Variants in KCTD15 observed in about 807,000 individuals in gnomAD.
KCTD15 encodes the protein potassium channel tetramerization domain containing 15, also known as BTB/POZ domain-containing protein KCTD15.
Under a neutral mutation model 27.2 loss-of-function variants are expected in KCTD15, and 11 were observed. The observed-to-expected ratio is 0.41, with a 90% CI of 0.25 to 0.67. The LOEUF is 0.67. Ranked by LOEUF, KCTD15 falls within the 30% of genes least tolerant of loss-of-function variation. The probability of loss-of-function intolerance (pLI) is 0.35; values close to 1 mark genes in which losing one functional copy is unlikely to be tolerated. For missense variants in KCTD15, 350 were observed against 409.3 expected, an observed-to-expected ratio of 0.86 and a Z score of 1.25; for synonymous variants, 163 against 176.0, an observed-to-expected ratio of 0.93 and a Z score of 0.58.
intron 2 of KCTD15, among the ~76,000 whole-genome samples, chr19:33,799,197 T>C (rs906593664): frequency 5.3e-5 from 8 of 152,184 alleles, no homozygotes; most frequent in African/African-American, 1.9e-4. Flanking sequence ...CCCAGTTTTA[T>C]GTCAGGAAAC....
intron 5 of KCTD15, among the ~76,000 whole-genome samples, chr19:33,810,675 C>CA (rs72186145): frequency 0.086 from 10,339 of 120,428 alleles, 684 homozygotes; most frequent in African/African-American, 0.24. Context: ...AAAACAAAAA[C>CA]AAAAAAAAAA....
chr19:33,811,656 G>A, intron 6 of KCTD15, 104 bp downstream of exon 6: 1 of 1,501,786 alleles, frequency 6.7e-7, no homozygotes, highest in South Asian at 1.3e-5. Context: ...AAACGGTGAA[G>A]CCCCCCGTGC....
rs746084176 is a variant in KCTD15, at chr19:33,812,958, C to T, written c.*10C>T. On this transcript the variant is annotated 3_prime_UTR_variant, in exon 7 of 7. Transcript: ENST00000683859. ...GGAACCCCTGGACTAGGCCCTGCTT[C>T]AGTGCCCACCTGGGCCCCCCCAGGG... 2.6e-6 allele frequency: 4 copies of T among 1,537,962 alleles called. No homozygotes were observed. Among genetic ancestry groups the T allele is most frequent in the Non-Finnish European group, 3.5e-6 (4 of 1,142,782 alleles).
intron 4 of KCTD15, among the ~76,000 whole-genome samples, chr19:33,805,495 CAG>C (rs1435349938): frequency 6.6e-6 from 1 of 152,180 alleles, no homozygotes; most frequent in African/African-American, 2.4e-5. Flanking sequence ...GCTGTTAGAA[CAG>C]GGGGCATCCC....
rs536138140 is a variant in KCTD15 at position 33,800,267 on chromosome 19, CAGAT to C, written c.-27-157_-27-154del. Among the ~76,000 whole-genome samples, 165 of 152,162 alleles carry C rather than the reference CAGAT, an allele frequency of 1.1e-3. 6 individuals are homozygous for C. The South Asian group carries it at 0.03, about 27-fold the overall frequency. ...GGAGGCCTGCTTTGGGGTGTGGAGA[CAGAT>C]AGAGAGATAGTGGCGGTGGAGTCAA... On this transcript the variant is annotated intron_variant, in intron 2 of 6. Transcript: ENST00000683859.
At chr19:33,795,175 CTAACTGCAGGGATG>C (rs1384650514), upstream of KCTD15, among the ~76,000 whole-genome samples, 1 of 152,250 alleles carries the variant, frequency 6.6e-6, no homozygotes, top group Non-Finnish European at 1.5e-5. Flanking sequence ...AATAATTGAA[CTAACTGCAGGGATG>C]TAACTTTAAT....
intron 3 of KCTD15, 23 bp downstream of exon 3, chr19:33,800,543 G>A (rs1226698318): frequency 3.2e-6 from 5 of 1,567,418 alleles, no homozygotes; most frequent in Non-Finnish European, 4.3e-6. Flanking sequence ...GGTGGGCTGG[G>A]TCCCTGCCGG....
rs1424363370 is a variant in KCTD15, at chr19:33,813,112, G to A, written c.*164G>A. ...GTCCCAGGTGTCATGGCAACAGAAC[G>A]TGGGATGCTGGAGGCATGCCTGCAG... On this transcript the variant is annotated 3_prime_UTR_variant, in exon 7 of 7. Transcript: ENST00000683859. 7.2e-6 allele frequency: 5 copies of A among 699,188 alleles called. No homozygotes were observed. The highest frequency in any genetic ancestry group is 3.5e-5 in the African/African-American group (2 of 56,580). The allele number at this position is 699,188 out of a possible 1,614,324, so 43.3% of individuals were successfully genotyped here. A position where few individuals can be genotyped will look rare whatever the true frequency, so the allele number is the denominator to read the frequency against.
intron 6 of KCTD15, chr19:33,812,101 G>C: frequency 1.5e-6 from 2 of 1,316,230 alleles, no homozygotes; most frequent in South Asian, 4.2e-5. Context: ...TCCGGGTTAG[G>C]GTGGAATGGG....
chr19:33,813,339 G>C lies in KCTD15; in HGVS notation c.*391G>C, dbSNP rs781146517. 1 of 475,054 alleles carries C rather than the reference G, an allele frequency of 2.1e-6. No homozygotes were observed. Among genetic ancestry groups the C allele is most frequent in the Admixed American group, 2.5e-5 (1 of 40,794 alleles). 29.4% of individuals were successfully genotyped at this position (475,054 alleles called of 1,614,324 possible). A position where few individuals can be genotyped will look rare whatever the true frequency, so the allele number is the denominator to read the frequency against. ...GGCAGACTCTGGCGGGTCTCCTAGCGTCCGAGAGATGGCTTATTTTCTACA... is the reference window on the plus strand; with the variant it reads ...GGCAGACTCTGGCGGGTCTCCTAGCCTCCGAGAGATGGCTTATTTTCTACA... On this transcript the variant is annotated 3_prime_UTR_variant, in exon 7 of 7. Coordinates refer to ENST00000683859, the MANE Select transcript of KCTD15 (RefSeq NM_001129994.2).
rs185967303 is a variant in KCTD15 at position 33,807,025 on chromosome 19, G to A, written c.387+18G>A. 2.9e-4 allele frequency: 475 copies of A among 1,612,268 alleles called. 1 individual carries two copies. The African/African-American group carries it at 5.5e-3, about 19-fold the overall frequency. ...ACTTTAAGGTAAGTCCATGGCTGGTGGCCCCCCTGCACTGCCTGTGTGATG... is the reference window on the plus strand; with the variant it reads ...ACTTTAAGGTAAGTCCATGGCTGGTAGCCCCCCTGCACTGCCTGTGTGATG... On this transcript the variant is annotated intron_variant, in intron 5 of 6. Coordinates refer to ENST00000683859, the MANE Select transcript of KCTD15 (RefSeq NM_001129994.2).
intron 6 of KCTD15, chr19:33,812,000 C>T: frequency 6.8e-7 from 1 of 1,465,160 alleles, no homozygotes. Context: ...TGGACCGGCT[C>T]TTCCTGGATG....
chr19:33,802,384 G>A (rs1053568525), intron 4 of KCTD15, among the ~76,000 whole-genome samples: 4 of 152,194 alleles, frequency 2.6e-5, no homozygotes, highest in Non-Finnish European at 5.9e-5. Flanking sequence ...CATTGTCACC[G>A]GTGTGGTTCC....
In KCTD15 at chr19:33,814,486, C is replaced by T. The variant is rs1364943265; in HGVS notation, c.*1538C>T. On this transcript the variant is annotated 3_prime_UTR_variant, in exon 7 of 7. Coordinates refer to ENST00000683859, the MANE Select transcript of KCTD15 (RefSeq NM_001129994.2). ...TGAATTCTGATTCACAGTCCCTAGC[C>T]AGATGGGAACTGGGAAAGAGACAGA... 2 of 152,178 alleles carry T rather than the reference C, an allele frequency of 1.3e-5. No homozygotes were observed. The highest frequency in any genetic ancestry group is 1.3e-4 in the Admixed American group (2 of 15,272). The allele number at this position is 152,178 out of a possible 1,614,324, so 9.4% of individuals were successfully genotyped here.
intron 4 of KCTD15, among the ~76,000 whole-genome samples, chr19:33,803,262 G>A (rs1015719683): frequency 6.6e-6 from 1 of 152,246 alleles, no homozygotes; most frequent in Non-Finnish European, 1.5e-5. Flanking sequence ...AGGCCAGGGG[G>A]CCTGAGAAGT....
chr19:33,813,679 A>G lies in KCTD15; in HGVS notation c.*731A>G. 3.5e-6 allele frequency: 1 copy of G among 289,756 alleles called. No homozygotes were observed. Among genetic ancestry groups the G allele is most frequent in the Non-Finnish European group, 6.8e-6 (1 of 147,134 alleles). The allele number at this position is 289,756 out of a possible 1,614,324, so 17.9% of individuals were successfully genotyped here. A position where few individuals can be genotyped will look rare whatever the true frequency, so the allele number is the denominator to read the frequency against. On this transcript the variant is annotated 3_prime_UTR_variant, in exon 7 of 7. Coordinates refer to ENST00000683859, the MANE Select transcript of KCTD15 (RefSeq NM_001129994.2). ...CCCCGGGTCACCTGACCTGCTGCCC[A>G]GGGGCTTCCAGTCCTGTCTGTGTGG...
chr19:33,815,709 A>G lies in KCTD15; in HGVS notation c.*2761A>G, dbSNP rs1262691986. The G allele has an allele frequency of 7.5e-6, 1 of 132,986 alleles. No individual in the cohort carries two copies. Among genetic ancestry groups the G allele is most frequent in the Non-Finnish European group, 1.6e-5 (1 of 61,994 alleles). 8.2% of individuals were successfully genotyped at this position (132,986 alleles called of 1,614,324 possible). On this transcript the variant is annotated 3_prime_UTR_variant, in exon 7 of 7. Coordinates refer to ENST00000683859, the MANE Select transcript of KCTD15 (RefSeq NM_001129994.2). ...ATGTGTCTTTTTTTTTTTTTTTTTT[A>G]AAGCTACTGCTTGACTGTTCCTTAG... is the stretch of plus-strand genomic sequence containing the variant.
chr19:33,807,714 C>A (rs1313036314), intron 5 of KCTD15, among the ~76,000 whole-genome samples: 4 of 151,430 alleles, frequency 2.6e-5, no homozygotes, highest in Admixed American at 6.6e-5. Flanking sequence ...AGCAAGACTC[C>A]GTCTCAAAAA....
chr19:33,807,086 A>C (rs984962437), intron 5 of KCTD15, 79 bp downstream of exon 5: 83 of 1,463,370 alleles, frequency 5.7e-5, no homozygotes, highest in Non-Finnish European at 2.9e-5. Context: ...TAATAAGTGG[A>C]CCCCTGGTTG....
Sources: gnomAD v4.1 joint callset for allele counts (sites outside exome capture counted in the v4.1 genomes callset) on GRCh38, gnomAD v4.1.1 for gene constraint, MANE v1.5 for transcripts, NCBI Gene and HGNC (gene_info 2026-07-23, HGNC 2026-07-21) for gene names.